Variants in IGBP1C observed in about 807,000 individuals in gnomAD.
IGBP1C encodes IGBP1 family member C.
At chr17:58,691,574 G>A in the IGBP1C span, among the ~76,000 whole-genome samples, 2 of 150,374 alleles carry the variant, frequency 1.3e-5, no homozygotes, top group African/African-American at 2.5e-5. Context: ...GGCTGAGGCA[G>A]GAGACTCACT....
At chr17:58,687,477 C>T in the IGBP1C span, among the ~76,000 whole-genome samples, 5 of 151,950 alleles carry the variant, frequency 3.3e-5, no homozygotes, top group Admixed American at 6.6e-5. Flanking sequence ...GCAACAGAAT[C>T]GGGTGCTCTA....
the IGBP1C span, among the ~76,000 whole-genome samples, chr17:58,666,115 T>C: frequency 6.7e-6 from 1 of 150,142 alleles, no homozygotes; most frequent in Non-Finnish European, 1.5e-5. Flanking sequence ...AGGCTGAAGG[T>C]GTGGATCACT....
the IGBP1C span, among the ~76,000 whole-genome samples, chr17:58,689,508 C>T: frequency 1.3e-5 from 2 of 152,112 alleles, no homozygotes; most frequent in Non-Finnish European, 2.9e-5. Flanking sequence ...AGTGAGCCAC[C>T]GTGCCCGGCC....
the IGBP1C span, among the ~76,000 whole-genome samples, chr17:58,674,773 T>C: frequency 2.7e-5 from 4 of 148,834 alleles, no homozygotes; most frequent in African/African-American, 5.0e-5. Flanking sequence ...ACAAGTATAG[T>C]ATGTCAATTA....
At chr17:58,680,785 A>C in the IGBP1C span, among the ~76,000 whole-genome samples, 1 of 152,122 alleles carries the variant, frequency 6.6e-6, no homozygotes, top group Admixed American at 6.6e-5. Context: ...GGAGTTTCAG[A>C]GTTAACAGTG....
chr17:58,684,508 G>A, the IGBP1C span, among the ~76,000 whole-genome samples: 20 of 150,568 alleles, frequency 1.3e-4, no homozygotes, highest in African/African-American at 4.2e-4. Context: ...ATGGTGACAC[G>A]TGCCTGTTCC....
At chr17:58,674,592 C>T in the IGBP1C span, among the ~76,000 whole-genome samples, 8 of 151,790 alleles carry the variant, frequency 5.3e-5, no homozygotes, top group African/African-American at 1.9e-4. Flanking sequence ...ATCGCTTGAA[C>T]CTGGGAGGCG....
At chr17:58,674,248 C>G in the IGBP1C span, among the ~76,000 whole-genome samples, 3 of 151,484 alleles carry the variant, frequency 2.0e-5, no homozygotes, top group Non-Finnish European at 4.4e-5. Flanking sequence ...TGCACTCCAG[C>G]CTGGGCGACA....
At chr17:58,660,477 G>A in the IGBP1C span, 115,076 of 624,120 alleles carry the variant, frequency 0.18, 11,859 homozygotes, top group East Asian at 0.21. Flanking sequence ...CTTTGCCTTC[G>A]TTTTACACAG....
the IGBP1C span, among the ~76,000 whole-genome samples, chr17:58,685,909 C>T: frequency 6.7e-6 from 1 of 149,170 alleles, no homozygotes; most frequent in Non-Finnish European, 1.5e-5. Flanking sequence ...GCAGGACAAT[C>T]GCCTGAACAT....
the IGBP1C span, among the ~76,000 whole-genome samples, chr17:58,691,500 C>CTAA: frequency 6.6e-6 from 1 of 151,708 alleles, no homozygotes; most frequent in Admixed American, 6.6e-5. Flanking sequence ...AACCCCTTCT[C>CTAA]TAATAATAAT....
the IGBP1C span, among the ~76,000 whole-genome samples, chr17:58,681,732 A>G: frequency 1.3e-5 from 2 of 151,886 alleles, no homozygotes; most frequent in Non-Finnish European, 2.9e-5. Context: ...AATCCCAGCT[A>G]CCCAGGAGGC....
the IGBP1C span, among the ~76,000 whole-genome samples, chr17:58,678,938 G>A: frequency 6.6e-6 from 1 of 152,022 alleles, no homozygotes; most frequent in Middle Eastern, 3.4e-3. Flanking sequence ...TAAATCACCT[G>A]AGGTTAGGAG....
chr17:58,670,336 T>G, the IGBP1C span, among the ~76,000 whole-genome samples: 1 of 151,852 alleles, frequency 6.6e-6, no homozygotes, highest in East Asian at 1.9e-4. Flanking sequence ...TATCCATCTA[T>G]CTATAGGATG....
At chr17:58,680,569 C>T in the IGBP1C span, among the ~76,000 whole-genome samples, 1 of 151,904 alleles carries the variant, frequency 6.6e-6, no homozygotes, top group Non-Finnish European at 1.5e-5. Context: ...TGGTAAAACC[C>T]TATCTCTAAT....
chr17:58,683,375 C>G, the IGBP1C span, among the ~76,000 whole-genome samples: 56 of 148,576 alleles, frequency 3.8e-4, no homozygotes, highest in South Asian at 6.6e-3. Context: ...TCCATCCCCC[C>G]CCCCAAAAAA....
chr17:58,665,633 C>T, the IGBP1C span, among the ~76,000 whole-genome samples: 103 of 151,894 alleles, frequency 6.8e-4, no homozygotes, highest in Non-Finnish European at 1.0e-3. Context: ...CAACTCATTG[C>T]GTTTACCTCA....
At chr17:58,679,581 C>T in the IGBP1C span, 3 of 152,210 alleles carry the variant, frequency 2.0e-5, no homozygotes, top group African/African-American at 4.8e-5. Context: ...TTAAGTTTCC[C>T]ACATTTGTAG....
chr17:58,684,212 A>T, the IGBP1C span, among the ~76,000 whole-genome samples: 1 of 151,970 alleles, frequency 6.6e-6, no homozygotes, highest in Non-Finnish European at 1.5e-5. Context: ...CTATAATCCC[A>T]GCACTTTGGG....
Sources: allele counts gnomAD v4.1 joint callset (sites outside exome capture counted in the v4.1 genomes callset), GRCh38; gene constraint gnomAD v4.1.1; transcripts MANE v1.5; gene names NCBI Gene and HGNC (gene_info 2026-07-23, HGNC 2026-07-21).